Variants in SYN3 observed in about 807,000 individuals in gnomAD.
The protein encoded by SYN3 is synapsin III.
SYN3 carries 35 observed loss-of-function variants against 65.8 expected under a neutral mutation model. That is an observed-to-expected ratio of 0.53 (90% confidence interval 0.41 to 0.70). The LOEUF is 0.70. SYN3 is among the 30% of genes least tolerant of loss of function. The pLI is 0.00. For missense variants in SYN3, 680 were observed against 749.0 expected (o/e 0.91, Z 1.08); for synonymous variants, 270 against 292.9 (o/e 0.92, Z 0.80).
At chr22:32,585,944 GTATA>G (rs2059021385) in intron 7 of SYN3, among the ~76,000 whole-genome samples, 4 of 30,638 alleles carry the variant, frequency 1.3e-4, no homozygotes, top group Non-Finnish European at 3.7e-4. Flanking sequence ...ATATGTGTAT[GTATA>G]CATATATGTG....
rs1226078513 is a variant in SYN3, at chr22:32,512,295, G to T, written c.*1397C>A. Among the ~76,000 whole-genome samples the T allele has an allele frequency of 6.6e-6, 1 of 152,216 alleles. No homozygotes were observed. Among genetic ancestry groups the T allele is most frequent in the African/African-American group, 2.4e-5 (1 of 41,450 alleles). ...TCTCCCTTCCCTGTGGACAGCAAAA[G>T]GAAGACATGTCTCATGTTGCGAAGT... On this transcript the variant is annotated 3_prime_UTR_variant, in exon 14 of 14. Transcript: ENST00000358763.
chr22:32,679,509 T>C (rs1035579922), intron 6 of SYN3, among the ~76,000 whole-genome samples: 1 of 152,208 alleles, frequency 6.6e-6, no homozygotes, highest in African/African-American at 2.4e-5. Context: ...GAGGGATTGA[T>C]GGATCATACG....
rs539316452 is a variant in SYN3, at chr22:32,562,660, A to G, written c.775-20947T>C. 5.9e-4 allele frequency among the ~76,000 whole-genome samples: 90 copies of G among 152,340 alleles called. 2 individuals are homozygous for G. The South Asian group carries it at 0.018, about 31-fold the overall frequency. ...TACTCCGTTTTCTGCCCAACAGGAG[A>G]ATAAAGGAAGCATCAGAGCCTCCCA... On this transcript the variant is annotated intron_variant, in intron 7 of 13. Transcript: ENST00000358763.
intron 2 of SYN3, among the ~76,000 whole-genome samples, chr22:32,981,070 G>C (rs528861458): frequency 6.6e-6 from 1 of 151,070 alleles, no homozygotes; most frequent in South Asian, 2.1e-4. Flanking sequence ...GGTCAGGCTG[G>C]TATCAAACTC....
chr22:32,776,795 G>T, intron 6 of SYN3, among the ~76,000 whole-genome samples: 1 of 152,312 alleles, frequency 6.6e-6, no homozygotes, highest in South Asian at 2.1e-4. Flanking sequence ...GAAGGCATAA[G>T]AATTCAAAGT....
intron 3 of SYN3, among the ~76,000 whole-genome samples, chr22:32,960,965 G>GC (rs1311957505): frequency 6.6e-5 from 10 of 152,176 alleles, no homozygotes; most frequent in African/African-American, 2.4e-4. Context: ...CCAGAGTGAA[G>GC]CCCACACCAC....
chr22:32,579,424 A>C (rs2058902437), intron 7 of SYN3, among the ~76,000 whole-genome samples: 1 of 152,136 alleles, frequency 6.6e-6, no homozygotes, highest in Non-Finnish European at 1.5e-5. Context: ...GCATTCTCAC[A>C]CAGCGGAAGG....
chr22:32,626,133 G>A (rs2059663039), intron 6 of SYN3, among the ~76,000 whole-genome samples: 1 of 152,142 alleles, frequency 6.6e-6, no homozygotes, highest in African/African-American at 2.4e-5. Flanking sequence ...GTAGGCAGAG[G>A]GAATGGCTTG....
chr22:32,618,209 T>C (rs980207264), intron 6 of SYN3, among the ~76,000 whole-genome samples: 1 of 151,996 alleles, frequency 6.6e-6, no homozygotes, highest in Non-Finnish European at 1.5e-5. Flanking sequence ...AGTCGTAGAG[T>C]AGCCCCTCAA....
At chr22:32,945,131 G>A (rs940633425) in intron 3 of SYN3, among the ~76,000 whole-genome samples, 12 of 152,288 alleles carry the variant, frequency 7.9e-5, no homozygotes, top group African/African-American at 2.9e-4. Flanking sequence ...GCAATTTATG[G>A]ATTCAATGCC....
At chr22:32,743,316 C>A (rs1284796904) in intron 6 of SYN3, among the ~76,000 whole-genome samples, 1 of 152,134 alleles carries the variant, frequency 6.6e-6, no homozygotes, top group Non-Finnish European at 1.5e-5. Flanking sequence ...AATGTCTCAC[C>A]AGCAGAACGG....
rs1474334600 is a variant in SYN3, at chr22:32,508,099, A to T, written c.*5593T>A. 6.6e-6 allele frequency among the ~76,000 whole-genome samples: 1 copy of T among 152,208 alleles called. No homozygotes were observed. Among genetic ancestry groups the T allele is most frequent in the Non-Finnish European group, 1.5e-5 (1 of 68,042 alleles). ...CAGGCCTCTGAGCCCAAGCCAAGCC[A>T]TCGCATCCCCTGTGACTTGCGCGTA... On this transcript the variant is annotated 3_prime_UTR_variant, in exon 14 of 14. Transcript: ENST00000358763.
At chr22:32,564,535 AC>A (rs2058631861) in intron 7 of SYN3, among the ~76,000 whole-genome samples, 1 of 152,218 alleles carries the variant, frequency 6.6e-6, no homozygotes, top group Non-Finnish European at 1.5e-5. Context: ...CCCAGACTGC[AC>A]CCAAACAATG....
chr22:32,927,645 C>A (rs1025079880), intron 4 of SYN3, among the ~76,000 whole-genome samples: 2 of 152,056 alleles, frequency 1.3e-5, no homozygotes, highest in African/African-American at 4.8e-5. Context: ...TATTTTAATC[C>A]TTCATATATT....
rs111418507 is a variant in SYN3 at position 32,909,462 on chromosome 22, T to C, written c.461+21928A>G. On this transcript the variant is annotated intron_variant, in intron 4 of 13. Coordinates refer to ENST00000358763, the MANE Select transcript of SYN3 (RefSeq NM_003490.4). ...TCAGTGGATGGCTGCAATTCTTTAT[T>C]ACGATGATGGAGACAGTTTAGGAGA... Among the ~76,000 whole-genome samples, 156 of 152,256 alleles carry C rather than the reference T, an allele frequency of 1.0e-3. 1 individual carries two copies. Among genetic ancestry groups the C allele is most frequent in the African/African-American group, 3.5e-3 (147 of 41,528 alleles).
chr22:32,552,998 G>A (rs2058439498), intron 7 of SYN3, among the ~76,000 whole-genome samples: 1 of 152,220 alleles, frequency 6.6e-6, no homozygotes, highest in Non-Finnish European at 1.5e-5. Context: ...GAGGCGCTCT[G>A]CCTGGCTTGC....
intron 6 of SYN3, among the ~76,000 whole-genome samples, chr22:32,791,509 G>A (rs954617802): frequency 3.3e-5 from 5 of 151,768 alleles, no homozygotes; most frequent in African/African-American, 9.7e-5. Flanking sequence ...CTTGATTGGC[G>A]GGTACAGGCA....
chr22:32,801,866 C>T lies in SYN3; in HGVS notation c.711+63049G>A. 1 of 1,147,402 alleles carries T rather than the reference C, an allele frequency of 8.7e-7. No individual in the cohort carries two copies. The highest frequency in any genetic ancestry group is 1.1e-6 in the Non-Finnish European group (1 of 908,504). 71.1% of individuals were successfully genotyped at this position (1,147,402 alleles called of 1,614,324 possible). On this transcript the variant is annotated intron_variant, in intron 6 of 13. Coordinates refer to ENST00000358763, the MANE Select transcript of SYN3 (RefSeq NM_003490.4). This position sits in a 1 kb window ranked among gnomAD's most constrained non-coding sequence, Gnocchi z 4.7. ...CCCGTCCCGCCGGGCACTCGGAGGG[C>T]AGCGCGCCGGAGGCCAAGGTTGCCC...
At chr22:32,982,494 T>C (rs1021174495) in intron 2 of SYN3, among the ~76,000 whole-genome samples, 4 of 152,220 alleles carry the variant, frequency 2.6e-5, no homozygotes, top group Non-Finnish European at 5.9e-5. Context: ...TTCATTTACC[T>C]GGTGATTTTT....
Sources: gnomAD v4.1 joint callset for allele counts (sites outside exome capture counted in the v4.1 genomes callset) on GRCh38, gnomAD v4.1.1 for gene constraint, Gnocchi (gnomAD v3.1) non-coding constraint, MANE v1.5 for transcripts, NCBI Gene and HGNC (gene_info 2026-07-23, HGNC 2026-07-21) for gene names.